The following MCTP1 variants were observed in gnomAD, a reference collection of about 807,000 sequenced individuals.
MCTP1 encodes the protein multiple C2 and transmembrane domain containing 1.
Under a neutral mutation model 120.6 loss-of-function variants are expected in MCTP1, and 69 were observed. The observed-to-expected ratio is 0.57, with a 90% CI of 0.47 to 0.70. The LOEUF (loss-of-function observed/expected upper bound fraction) is 0.70. Among genes scored for constraint, MCTP1 ranks in the 30% least tolerant of loss-of-function variants. The pLI is 0.00. For missense variants in MCTP1, 1,203 were observed against 1,248.8 expected (o/e 0.96, Z 0.55); for synonymous variants, 529 against 493.1 (o/e 1.07, Z -0.96).
intron 1 of MCTP1, among the ~76,000 whole-genome samples, chr5:95,194,613 C>G (rs1180951119): frequency 6.6e-6 from 1 of 152,194 alleles, no homozygotes; most frequent in Non-Finnish European, 1.5e-5. Flanking sequence ...TGTACAGTCA[C>G]TATCCAACAC....
intron 1 of MCTP1, among the ~76,000 whole-genome samples, chr5:95,212,722 T>A (rs1393202352): frequency 6.6e-6 from 1 of 151,904 alleles, no homozygotes; most frequent in Non-Finnish European, 1.5e-5. Context: ...CACAAATCAA[T>A]AAATGTAATC....
At chr5:95,254,627 C>T (rs1757695413) in intron 1 of MCTP1, among the ~76,000 whole-genome samples, 1 of 152,106 alleles carries the variant, frequency 6.6e-6, no homozygotes, top group Admixed American at 6.6e-5. Flanking sequence ...GAAATGTAGA[C>T]ATGGATACTA....
intron 2 of MCTP1, among the ~76,000 whole-genome samples, chr5:94,965,437 C>T (rs576809343): frequency 6.6e-6 from 1 of 152,242 alleles, no homozygotes; most frequent in African/African-American, 2.4e-5. Flanking sequence ...TTTACTGTGC[C>T]TTTTCCCATT....
chr5:95,211,235 G>T (rs1053656800), intron 1 of MCTP1, among the ~76,000 whole-genome samples: 3 of 152,096 alleles, frequency 2.0e-5, no homozygotes, highest in South Asian at 2.1e-4. Context: ...TTGCTAGATT[G>T]GGGAAGTTCT....
At chr5:95,171,210 C>A (rs189119667) in intron 1 of MCTP1, among the ~76,000 whole-genome samples, 4 of 152,258 alleles carry the variant, frequency 2.6e-5, no homozygotes, top group African/African-American at 9.6e-5. Flanking sequence ...GTTGAAAATT[C>A]TTTTCTTTAA....
At chr5:94,821,434 C>T (rs1785626091) in intron 17 of MCTP1, among the ~76,000 whole-genome samples, 1 of 152,164 alleles carries the variant, frequency 6.6e-6, no homozygotes. Flanking sequence ...CTGTCTAGTA[C>T]TTGAGCTCTG....
At chr5:94,817,419 C>CAA (rs2153087750) in intron 17 of MCTP1, among the ~76,000 whole-genome samples, 1 of 144,240 alleles carries the variant, frequency 6.9e-6, no homozygotes, top group East Asian at 1.9e-4. Context: ...AACAAACAAA[C>CAA]AAACAAACAA....
intron 1 of MCTP1, among the ~76,000 whole-genome samples, chr5:95,160,345 G>A (rs1745581666): frequency 6.6e-6 from 1 of 152,138 alleles, no homozygotes; most frequent in South Asian, 2.1e-4. Context: ...GATTACAAAT[G>A]GAGAAGGAGT....
At chr5:94,739,960 G>T (rs1361576740) in intron 19 of MCTP1, among the ~76,000 whole-genome samples, 1 of 152,194 alleles carries the variant, frequency 6.6e-6, no homozygotes, top group African/African-American at 2.4e-5. Flanking sequence ...GAGCCACTGT[G>T]CCCGGCCTGT....
chr5:94,940,579 TATATATGTATATATATATACAC>T (rs1384917380), intron 4 of MCTP1, among the ~76,000 whole-genome samples: 111 of 106,186 alleles, frequency 1.0e-3, no homozygotes, highest in African/African-American at 4.9e-3. Flanking sequence ...TATATATACA[TATATATGTATATATATATACAC>T]ATATACATAT....
chr5:95,037,702 C>T (rs1841593990), intron 1 of MCTP1, among the ~76,000 whole-genome samples: 1 of 152,086 alleles, frequency 6.6e-6, no homozygotes, highest in African/African-American at 2.4e-5. Context: ...CCCATCTCTA[C>T]TAACAATACA....
chr5:94,945,007 C>A (rs577265941), intron 3 of MCTP1, among the ~76,000 whole-genome samples: 1 of 152,078 alleles, frequency 6.6e-6, no homozygotes, highest in East Asian at 1.9e-4. Context: ...ATAATGAATC[C>A]AAAGCTGAAA....
intron 19 of MCTP1, among the ~76,000 whole-genome samples, chr5:94,750,420 T>G (rs889091521): frequency 2.0e-5 from 3 of 152,248 alleles, no homozygotes; most frequent in African/African-American, 7.2e-5. Context: ...TGTATAATCA[T>G]TAAGGTCATA....
Position 94,703,830 on chromosome 5 carries a change from T to C in MCTP1, c.*3666A>G, listed in dbSNP as rs1233717612. 1.3e-5 allele frequency: 2 copies of C among 151,498 alleles called. No homozygotes were observed. The highest frequency in any genetic ancestry group is 3.9e-4 in the East Asian group (2 of 5,134). The allele number at this position is 151,498 out of a possible 1,614,324, so 9.4% of individuals were successfully genotyped here. A position where few individuals can be genotyped will look rare whatever the true frequency, so the allele number is the denominator to read the frequency against. On this transcript the variant is annotated 3_prime_UTR_variant, in exon 23 of 23. Transcript: ENST00000515393. ...TACATTGTATGATTGCTTTGGACATTTGATAGTTTTTATTTGCATACTATT... is the reference window on the plus strand; with the variant it reads ...TACATTGTATGATTGCTTTGGACATCTGATAGTTTTTATTTGCATACTATT...
intron 1 of MCTP1, among the ~76,000 whole-genome samples, chr5:95,203,501 C>T (rs554178866): frequency 5.3e-5 from 8 of 152,254 alleles, no homozygotes; most frequent in South Asian, 2.1e-4. Flanking sequence ...ACTAGAAGTC[C>T]GTATCTACTG....
At chr5:95,060,743 G>A (rs988235382) in intron 1 of MCTP1, among the ~76,000 whole-genome samples, 8 of 152,036 alleles carry the variant, frequency 5.3e-5, no homozygotes, top group African/African-American at 1.9e-4. Flanking sequence ...AGGCTGAGGT[G>A]GGTGGATCAC....
intron 17 of MCTP1, among the ~76,000 whole-genome samples, chr5:94,811,532 G>A (rs993227169): frequency 4.6e-5 from 7 of 152,182 alleles, no homozygotes; most frequent in African/African-American, 9.6e-5. Flanking sequence ...CAGCTCTAAT[G>A]TAATTCTGAA....
intron 1 of MCTP1, among the ~76,000 whole-genome samples, chr5:95,114,522 C>T (rs1311059434): frequency 6.6e-6 from 1 of 152,178 alleles, no homozygotes; most frequent in South Asian, 2.1e-4. Flanking sequence ...GGCAATACTC[C>T]ATGTGGGCCT....
chr5:95,195,690 A>G (rs1750307760), intron 1 of MCTP1, among the ~76,000 whole-genome samples: 1 of 152,174 alleles, frequency 6.6e-6, no homozygotes, highest in Non-Finnish European at 1.5e-5. Context: ...AATCTTCAAC[A>G]TAAACACAGC....
Sources: gnomAD v4.1 joint callset for allele counts (sites outside exome capture counted in the v4.1 genomes callset) on GRCh38, gnomAD v4.1.1 for gene constraint, MANE v1.5 for transcripts, NCBI Gene and HGNC (gene_info 2026-07-23, HGNC 2026-07-21) for gene names.